Variants in ABCA13 observed in about 807,000 individuals in gnomAD.
ABCA13 encodes ATP binding cassette subfamily A member 13, also known as ATP-binding cassette sub-family A member 13.
Under a neutral mutation model 478.7 loss-of-function variants are expected in ABCA13, and 476 were observed. The observed-to-expected ratio is 0.99, with a 90% confidence interval of 0.92 to 1.07. The LOEUF is 1.07. Ranked by LOEUF, ABCA13 falls within the 50% of genes least tolerant of loss-of-function variation. The probability of loss-of-function intolerance (pLI) is 0.00; values close to 1 mark genes in which losing one functional copy is unlikely to be tolerated. For missense variants in ABCA13, 6,060 were observed against 5,910.6 expected (o/e 1.03, Z -0.83); for synonymous variants, 2,252 against 2,158.9 (o/e 1.04, Z -1.20).
At chr7:48,590,855 T>C (rs1483080644) in intron 57 of ABCA13, among the ~76,000 whole-genome samples, 1 of 152,136 alleles carries the variant, frequency 6.6e-6, no homozygotes, top group Admixed American at 6.5e-5. Context: ...GTTTTACGAC[T>C]TTCATATATA....
At chr7:48,240,727 GCTAA>G in intron 9 of ABCA13, 136 bp from the exon 10 acceptor site, 1 of 626,636 alleles carries the variant, frequency 1.6e-6, no homozygotes, top group Non-Finnish European at 2.4e-6. Context: ...TACTGCAATT[GCTAA>G]CAGACATTTT....
intron 59 of ABCA13, among the ~76,000 whole-genome samples, chr7:48,620,042 G>A (rs1048919996): frequency 1.6e-4 from 24 of 152,276 alleles, no homozygotes; most frequent in African/African-American, 5.3e-4. Context: ...GAATCAGGAG[G>A]CATTTGCGGG....
intron 38 of ABCA13, among the ~76,000 whole-genome samples, chr7:48,400,044 CTT>C (rs59778865): frequency 0.21 from 30,969 of 147,118 alleles, 3,440 homozygotes; most frequent in East Asian, 0.23. Context: ...GTGCTTTCCT[CTT>C]TTTTTTTTTT....
rs758442106 is a variant in ABCA13, at chr7:48,198,264, G to C, written c.191G>C (p.Ser64Thr). 6.2e-7 allele frequency: 1 copy of C among 1,613,480 alleles called. No homozygotes were observed. Among genetic ancestry groups the C allele is most frequent in the Admixed American group, 1.7e-5 (1 of 59,968 alleles). ...TATTTGCAGCCCCGAGATCTACCCA[G>C]CTGTGGTGTTATCCCCTTTGTTCAA... ...ICYLQPRDLP[S>T]CGVIPFVQSL... The change falls in exon 3 of 62, where the codon AGC becomes ACC. Residue 64 changes from serine to threonine, a missense_variant. Physicochemically the swap from Ser to Thr is moderately conservative, Grantham distance 58. Coordinates refer to ENST00000435803, the MANE Select transcript of ABCA13 (RefSeq NM_152701.5).
intron 35 of ABCA13, among the ~76,000 whole-genome samples, chr7:48,387,540 T>C (rs933924963): frequency 1.2e-4 from 18 of 152,052 alleles, no homozygotes; most frequent in Non-Finnish European, 2.1e-4. Flanking sequence ...TCAGCAATTA[T>C]CCAAAAAGCA....
Position 48,372,183 on chromosome 7 carries a change from G to A in ABCA13, c.10819G>A (p.Gly3607Arg). 6.2e-7 allele frequency: 1 copy of A among 1,612,968 alleles called. No individual in the cohort carries two copies. Among genetic ancestry groups the A allele is most frequent in the East Asian group, 2.2e-5 (1 of 44,840 alleles). Residue 3607 changes from glycine to arginine, a missense_variant, in exon 33 of 62, where the codon GGA becomes AGA. Physicochemically the swap from Gly to Arg is moderately radical, Grantham distance 125 (BLOSUM62 -2). Coordinates refer to ENST00000435803, the MANE Select transcript of ABCA13 (RefSeq NM_152701.5). Reference protein sequence around the residue: ...IQIEEYMRMMGVHPVIHFLAW... With the variant: ...IQIEEYMRMMRVHPVIHFLAW... ...TTTTTGGTAGTATATGCGGATGATG[G>A]GAGTGCATCCAGTGATCCATTTCCT...
intron 43 of ABCA13, among the ~76,000 whole-genome samples, chr7:48,456,151 C>G (rs1022406895): frequency 2.0e-5 from 3 of 152,222 alleles, no homozygotes; most frequent in Non-Finnish European, 4.4e-5. Flanking sequence ...TACAACTGCA[C>G]AAGCATACTG....
At chr7:48,471,949 T>C (rs1047920746) in intron 45 of ABCA13, among the ~76,000 whole-genome samples, 7 of 152,184 alleles carry the variant, frequency 4.6e-5, no homozygotes, top group Admixed American at 4.6e-4. Context: ...GACCTCAAGG[T>C]TCTTGCCATA....
intron 25 of ABCA13, 125 bp from the exon 26 acceptor site, chr7:48,314,107 C>G: frequency 8.9e-7 from 1 of 1,127,770 alleles, no homozygotes; most frequent in East Asian, 2.6e-5. Flanking sequence ...AGCAGACATT[C>G]CATTCTTTTG....
intron 42 of ABCA13, among the ~76,000 whole-genome samples, chr7:48,433,286 C>A (rs1346359395): frequency 6.6e-6 from 1 of 151,478 alleles, no homozygotes; most frequent in Non-Finnish European, 1.5e-5. Context: ...GGTAGATTTG[C>A]ACTATGTGAA....
chr7:48,391,855 C>G (rs1319611228), intron 37 of ABCA13, 66 bp from the exon 38 acceptor site: 2 of 1,482,434 alleles, frequency 1.3e-6, no homozygotes, highest in African/African-American at 2.8e-5. Flanking sequence ...CTGGAGCTGA[C>G]TGGATTGCTG....
At chr7:48,396,650 C>G (rs1470904723) in intron 38 of ABCA13, among the ~76,000 whole-genome samples, 1 of 152,198 alleles carries the variant, frequency 6.6e-6, no homozygotes, top group Admixed American at 6.5e-5. Context: ...TGTTGATGCC[C>G]TAATGGGAGT....
chr7:48,376,433 C>T lies in ABCA13; in HGVS notation c.11204-8C>T. Reference sequence around the variant, plus strand: ...CAGTTCTAACTCTGACCTTTTTCTTCCTGCTAGGGATTCAATGGAATAATA... The same window carrying T: ...CAGTTCTAACTCTGACCTTTTTCTTTCTGCTAGGGATTCAATGGAATAATA... On this transcript the variant is annotated splice_polypyrimidine_tract_variant and splice_region_variant and intron_variant, in intron 34 of 61. Coordinates refer to ENST00000435803, the MANE Select transcript of ABCA13 (RefSeq NM_152701.5). The T allele has an allele frequency of 6.2e-7, 1 of 1,610,644 alleles. No individual in the cohort carries two copies. Among genetic ancestry groups the T allele is most frequent in the East Asian group, 2.2e-5 (1 of 44,820 alleles).
At position 48,268,049 on chromosome 7, in the gene ABCA13, A is replaced by T. The variant is rs550189258; in HGVS notation, c.2006-931A>T. ...AAGCAAGACCCCTTTTTTGTACTTT[A>T]CTCAATGACTAATGAATTATGAATA... On this transcript the variant is annotated intron_variant, in intron 15 of 61. Coordinates refer to ENST00000435803, the MANE Select transcript of ABCA13 (RefSeq NM_152701.5). 1.9e-4 allele frequency among the ~76,000 whole-genome samples: 29 copies of T among 152,192 alleles called. No individual in the cohort carries two copies. The East Asian group carries it at 5.6e-3, about 29-fold the overall frequency.
At chr7:48,203,207 TGCGG>T (rs1584161375) in intron 3 of ABCA13, among the ~76,000 whole-genome samples, 2 of 151,786 alleles carry the variant, frequency 1.3e-5, no homozygotes, top group Admixed American at 6.5e-5. Flanking sequence ...CTGCTCCGAG[TGCGG>T]GCGGGGCCCG....
intron 55 of ABCA13, among the ~76,000 whole-genome samples, chr7:48,555,320 G>A (rs1326466321): frequency 6.6e-6 from 1 of 151,652 alleles, no homozygotes; most frequent in African/African-American, 2.4e-5. Flanking sequence ...GTCTGATGTG[G>A]GTATTAAGGT....
Position 48,272,153 on chromosome 7 carries a change from A to G in ABCA13, c.2487A>G (p.Glu829=). Residue 829 remains glutamate, a synonymous_variant, in exon 17 of 62, where the codon GAA becomes GAG. Transcript: ENST00000435803. ...GATTCATAGAATTAATACTTTTTGA[A>G]ATTAATCCCAAATTACTAGAATTAT... ...LLRFIELILF[E]INPKLLELWA... 1 of 1,613,114 alleles carries G rather than the reference A, an allele frequency of 6.2e-7. No homozygotes were observed. The highest frequency in any genetic ancestry group is 8.5e-7 in the Non-Finnish European group (1 of 1,179,496).
intron 58 of ABCA13, among the ~76,000 whole-genome samples, chr7:48,607,226 C>T (rs1414331370): frequency 2.0e-5 from 3 of 152,176 alleles, no homozygotes; most frequent in African/African-American, 2.4e-5. Context: ...ACAGGAAAAG[C>T]GCAGTATCTG....
At chr7:48,496,373 C>T (rs1830278514) in intron 48 of ABCA13, among the ~76,000 whole-genome samples, 1 of 151,694 alleles carries the variant, frequency 6.6e-6, no homozygotes, top group South Asian at 2.1e-4. Context: ...TTACTTTTAC[C>T]CTGTTTACCT....
Sources: allele counts gnomAD v4.1 joint callset (sites outside exome capture counted in the v4.1 genomes callset), GRCh38; gene constraint gnomAD v4.1.1; transcripts MANE v1.5; gene names NCBI Gene and HGNC (gene_info 2026-07-23, HGNC 2026-07-21).